The following PCDH15 variants were observed in gnomAD, a reference collection of about 807,000 sequenced individuals.
PCDH15 encodes protocadherin-15.
PCDH15 carries 129 observed loss-of-function variants against 178.5 expected under a neutral mutation model. That is an observed-to-expected ratio of 0.72 (90% CI 0.63 to 0.84). The LOEUF (loss-of-function observed/expected upper bound fraction) is 0.84, where lower values mean the gene tolerates loss of function less well. PCDH15 is among the 40% of genes least tolerant of loss of function. The probability of loss-of-function intolerance (pLI) is 0.00; values close to 1 mark genes in which losing one functional copy is unlikely to be tolerated. For synonymous variants in PCDH15, 800 were observed against 732.0 expected (o/e 1.09, Z -1.50); for missense variants, 2,230 against 2,099.9 (o/e 1.06, Z -1.21).
intron 4 of PCDH15, among the ~76,000 whole-genome samples, chr10:54,374,067 A>G (rs1485706777): frequency 2.6e-5 from 4 of 152,100 alleles, no homozygotes; most frequent in African/African-American, 4.8e-5. Context: ...ACAGTTTGCA[A>G]TGAAAAGGTA....
At chr10:54,336,468 AC>A (rs1941164143) in intron 6 of PCDH15, among the ~76,000 whole-genome samples, 1 of 151,990 alleles carries the variant, frequency 6.6e-6, no homozygotes, top group African/African-American at 2.4e-5. Flanking sequence ...CAGCCTAGGA[AC>A]TCGGTGCCCC....
chr10:55,230,167 C>G (rs1158145082), intron 1 of PCDH15, among the ~76,000 whole-genome samples: 1 of 151,968 alleles, frequency 6.6e-6, no homozygotes, highest in Non-Finnish European at 1.5e-5. Context: ...TTGTCCTAAG[C>G]TCATTCTCCT....
At chr10:54,728,336 C>G (rs1314065546) in intron 1 of PCDH15, among the ~76,000 whole-genome samples, 1 of 151,432 alleles carries the variant, frequency 6.6e-6, no homozygotes, top group Non-Finnish European at 1.5e-5. Flanking sequence ...ATAAACCAAA[C>G]CACGTGATTA....
intron 5 of PCDH15, among the ~76,000 whole-genome samples, chr10:54,368,662 G>A (rs942812014): frequency 6.6e-6 from 1 of 151,912 alleles, no homozygotes; most frequent in Non-Finnish European, 1.5e-5. Context: ...GTGATTTGTA[G>A]TTAATTTTTG....
intron 27 of PCDH15, among the ~76,000 whole-genome samples, chr10:53,863,281 AT>A (rs1254546286): frequency 1.8e-4 from 27 of 152,188 alleles, no homozygotes; most frequent in African/African-American, 6.5e-4. Flanking sequence ...AGAAACCTCA[AT>A]ACTACAAGGT....
intron 11 of PCDH15, among the ~76,000 whole-genome samples, chr10:54,189,591 G>T (rs1255543052): frequency 6.6e-6 from 1 of 151,938 alleles, no homozygotes; most frequent in African/African-American, 2.4e-5. Context: ...TGAGTATATT[G>T]AATTAAATAT....
intron 1 of PCDH15, among the ~76,000 whole-genome samples, chr10:55,316,262 T>C (rs1287895953): frequency 3.9e-5 from 6 of 152,150 alleles, no homozygotes; most frequent in Non-Finnish European, 8.8e-5. Context: ...AGTGATTACC[T>C]GTCAGGGAAA....
At chr10:54,243,274 C>T (rs1443075248) in intron 8 of PCDH15, among the ~76,000 whole-genome samples, 4 of 152,132 alleles carry the variant, frequency 2.6e-5, no homozygotes, top group Non-Finnish European at 5.9e-5. Flanking sequence ...CTTTGGGAGG[C>T]CAAGGCGGGC....
chr10:54,933,830 G>A (rs1837840792), intron 2 of PCDH15, among the ~76,000 whole-genome samples: 1 of 152,090 alleles, frequency 6.6e-6, no homozygotes, highest in South Asian at 2.1e-4. Flanking sequence ...TAATAACTCT[G>A]AAAGCTGTGT....
intron 3 of PCDH15, among the ~76,000 whole-genome samples, chr10:54,807,705 A>C (rs908539986): frequency 1.3e-5 from 2 of 148,254 alleles, no homozygotes; most frequent in Admixed American, 1.4e-4. Context: ...TATATAATAT[A>C]TTGATAATAT....
chr10:55,509,826 G>T (rs1283137454), intron 2 of PCDH15, among the ~76,000 whole-genome samples: 1 of 151,864 alleles, frequency 6.6e-6, no homozygotes, highest in African/African-American at 2.4e-5. Context: ...TGATTCTTAA[G>T]AAACAACTGT....
At chr10:55,382,337 A>T (rs1261076255) in intron 2 of PCDH15, among the ~76,000 whole-genome samples, 1 of 152,162 alleles carries the variant, frequency 6.6e-6, no homozygotes, top group Non-Finnish European at 1.5e-5. Flanking sequence ...GCTAACTTTA[A>T]ATAAGAAAAT....
At chr10:55,222,217 C>T (rs1258026327) in intron 1 of PCDH15, among the ~76,000 whole-genome samples, 1 of 151,928 alleles carries the variant, frequency 6.6e-6, no homozygotes, top group Non-Finnish European at 1.5e-5. Flanking sequence ...TAACAACATG[C>T]TTGTGAAATG....
At chr10:54,971,228 T>G (rs1288936079) in intron 2 of PCDH15, among the ~76,000 whole-genome samples, 1 of 152,156 alleles carries the variant, frequency 6.6e-6, no homozygotes, top group Admixed American at 6.5e-5. Context: ...GCAATAGTTT[T>G]AAGAGGTGGG....
At position 55,603,567 on chromosome 10, in the gene PCDH15, A is replaced by G. The variant is rs1843136948; in HGVS notation, c.-156+24058T>C. 1.3e-5 allele frequency among the ~76,000 whole-genome samples: 2 copies of G among 152,042 alleles called. 1 individual carries two copies. Among genetic ancestry groups the G allele is most frequent in the Admixed American group, 1.3e-4 (2 of 15,258 alleles). On this transcript the variant is annotated intron_variant, in intron 2 of 5. Transcript: ENST00000613346. ...TCTCTCGGCAGAAACCCTACAAGCC[A>G]GAAGAGAGTGGGGGCCAATATTCAA...
chr10:54,472,278 A>C (rs2136708834), intron 3 of PCDH15, among the ~76,000 whole-genome samples: 1 of 142,586 alleles, frequency 7.0e-6, no homozygotes, highest in Non-Finnish European at 1.5e-5. Context: ...TGCTGTTCCA[A>C]ATGTTATGCA....
At chr10:55,240,491 C>T (rs1841514016) in intron 1 of PCDH15, among the ~76,000 whole-genome samples, 1 of 152,126 alleles carries the variant, frequency 6.6e-6, no homozygotes, top group African/African-American at 2.4e-5. Flanking sequence ...AACATCTTGA[C>T]ATTGTGAAAC....
intron 2 of PCDH15, among the ~76,000 whole-genome samples, chr10:55,065,381 T>A (rs1036589554): frequency 6.6e-6 from 1 of 152,012 alleles, no homozygotes; most frequent in Admixed American, 6.6e-5. Context: ...TGACTTTGAA[T>A]CATTCAGGTT....
intron 10 of PCDH15, among the ~76,000 whole-genome samples, chr10:54,202,507 G>C (rs1564669794): frequency 6.6e-6 from 1 of 152,038 alleles, no homozygotes; most frequent in Admixed American, 6.6e-5. Flanking sequence ...AGAATGGAAG[G>C]CCTAATAAAA....
Sources: allele counts gnomAD v4.1 joint callset (sites outside exome capture counted in the v4.1 genomes callset), GRCh38; gene constraint gnomAD v4.1.1; transcripts MANE v1.5; gene names NCBI Gene and HGNC (gene_info 2026-07-23, HGNC 2026-07-21).